Variants in CSGALNACT1 observed in about 807,000 individuals in gnomAD.
The protein encoded by CSGALNACT1 is beta4GalNAcT-1.
In CSGALNACT1, 52 loss-of-function variants were observed where a neutral mutation model predicts 51.0. That is an observed-to-expected ratio of 1.02 (90% CI 0.82 to 1.29). The LOEUF is 1.29. Ranked by LOEUF, CSGALNACT1 falls within the 50% of genes most tolerant of loss-of-function variation. The probability of loss-of-function intolerance (pLI) is 0.00; values close to 1 mark genes in which losing one functional copy is unlikely to be tolerated. For synonymous variants in CSGALNACT1, 341 were observed against 254.4 expected, an observed-to-expected ratio of 1.34 and a Z score of -3.24; for missense variants, 935 against 679.2, an observed-to-expected ratio of 1.38 and a Z score of -4.19.
At chr8:19,460,555 G>C (rs917188404) in intron 4 of CSGALNACT1, among the ~76,000 whole-genome samples, 2 of 152,140 alleles carry the variant, frequency 1.3e-5, no homozygotes, top group African/African-American at 2.4e-5. Flanking sequence ...AGTGAACCAA[G>C]AATGCACCTC....
intron 1 of CSGALNACT1, among the ~76,000 whole-genome samples, chr8:19,725,178 T>C (rs1437005220): frequency 1.3e-5 from 2 of 152,216 alleles, no homozygotes; most frequent in East Asian, 3.9e-4. Flanking sequence ...CTGTCCATTT[T>C]CAGGCAGGTG....
At chr8:19,419,837 C>T (rs1054475235) in intron 7 of CSGALNACT1, among the ~76,000 whole-genome samples, 3 of 152,152 alleles carry the variant, frequency 2.0e-5, no homozygotes, top group South Asian at 4.1e-4. Context: ...CAGATGGTGA[C>T]GTGGTTTGGC....
At chr8:19,568,677 G>A (rs117019991) in intron 3 of CSGALNACT1, among the ~76,000 whole-genome samples, 4,410 of 152,200 alleles carry the variant, frequency 0.029, 99 homozygotes, top group Non-Finnish European at 0.042. Flanking sequence ...CAAAAAATAT[G>A]AGATTCTATT....
intron 4 of CSGALNACT1, among the ~76,000 whole-genome samples, chr8:19,465,300 T>C: frequency 6.6e-6 from 1 of 152,112 alleles, no homozygotes; most frequent in Middle Eastern, 3.2e-3. Flanking sequence ...GTAGTCAAGT[T>C]CAGAGAGACA....
chr8:19,631,646 C>T (rs566232052), intron 1 of CSGALNACT1, among the ~76,000 whole-genome samples: 2 of 152,288 alleles, frequency 1.3e-5, no homozygotes, highest in Non-Finnish European at 2.9e-5. Context: ...AAAGCCAAGT[C>T]AAAATGTGTC....
At chr8:19,719,166 C>T (rs2062978587) in intron 1 of CSGALNACT1, among the ~76,000 whole-genome samples, 1 of 152,336 alleles carries the variant, frequency 6.6e-6, no homozygotes, top group African/African-American at 2.4e-5. Flanking sequence ...TATACTTCAA[C>T]CCTGGCTCAA....
rs149022993 is a variant in CSGALNACT1 at position 19,723,034 on chromosome 8, C to A, written c.-297+34816G>T. Among the ~76,000 whole-genome samples, 1,015 of 152,286 alleles carry A rather than the reference C, an allele frequency of 6.7e-3. 9 individuals carry two copies. Among genetic ancestry groups the A allele is most frequent in the African/African-American group, 0.023 (970 of 41,570 alleles). On this transcript the variant is annotated intron_variant, in intron 1 of 1. Coordinates refer to the CSGALNACT1 transcript ENST00000517494. ...TAAGTGATTCCAAAGTCTCAAGATT[C>A]TCCCTTTTCAATCATCTCCACTTTT...
At chr8:19,502,210 A>G (rs1248654780) in intron 4 of CSGALNACT1, among the ~76,000 whole-genome samples, 1 of 152,208 alleles carries the variant, frequency 6.6e-6, no homozygotes, top group African/African-American at 2.4e-5. Context: ...GGCAGGCTGG[A>G]TGGCAGAGCA....
chr8:19,425,443 T>C (rs1228373104), intron 6 of CSGALNACT1, among the ~76,000 whole-genome samples: 1 of 152,176 alleles, frequency 6.6e-6, no homozygotes, highest in Non-Finnish European at 1.5e-5. Flanking sequence ...CTCCCTCCTT[T>C]TATGTGTGTT....
At chr8:19,441,441 C>A (rs2061320178) in intron 5 of CSGALNACT1, among the ~76,000 whole-genome samples, 2 of 152,172 alleles carry the variant, frequency 1.3e-5, no homozygotes, top group African/African-American at 4.8e-5. Context: ...TGATCTTTGA[C>A]AAACCTGACA....
At chr8:19,672,958 C>G (rs550314828) in intron 1 of CSGALNACT1, among the ~76,000 whole-genome samples, 26 of 152,326 alleles carry the variant, frequency 1.7e-4, no homozygotes, top group African/African-American at 6.3e-4. Context: ...GAGTTTTAAC[C>G]ACTGTATCTC....
intron 1 of CSGALNACT1, among the ~76,000 whole-genome samples, chr8:19,724,501 G>T (rs2063289484): frequency 6.6e-6 from 1 of 152,126 alleles, no homozygotes; most frequent in Non-Finnish European, 1.5e-5. Flanking sequence ...CTTTCAAGAA[G>T]TCTGTGATAC....
At chr8:19,700,469 T>C (rs1177005996) in intron 1 of CSGALNACT1, among the ~76,000 whole-genome samples, 5 of 152,180 alleles carry the variant, frequency 3.3e-5, no homozygotes, top group African/African-American at 1.2e-4. Context: ...TTTTATATTA[T>C]TGACAAAGTA....
intron 2 of CSGALNACT1, among the ~76,000 whole-genome samples, chr8:19,595,453 A>AT (rs2154137646): frequency 6.6e-6 from 1 of 152,340 alleles, no homozygotes; most frequent in Non-Finnish European, 1.5e-5. Context: ...TTATTAAAAC[A>AT]TTTAAGGGTA....
chr8:19,519,525 C>T (rs866602058), intron 3 of CSGALNACT1, among the ~76,000 whole-genome samples: 4 of 152,154 alleles, frequency 2.6e-5, no homozygotes, highest in African/African-American at 9.7e-5. Context: ...TAAGAAAACA[C>T]GCAGCAGAGA....
intron 1 of CSGALNACT1, among the ~76,000 whole-genome samples, chr8:19,749,158 G>C (rs1441291147): frequency 6.6e-6 from 1 of 150,848 alleles, no homozygotes; most frequent in Non-Finnish European, 1.5e-5. Flanking sequence ...AGAACCATTT[G>C]AACTAACTTG....
intron 3 of CSGALNACT1, among the ~76,000 whole-genome samples, chr8:19,535,715 T>C (rs548289945): frequency 1.3e-5 from 2 of 151,996 alleles, no homozygotes; most frequent in East Asian, 1.9e-4. Flanking sequence ...TAGCAAGCCA[T>C]AGAAGGAAAA....
chr8:19,592,526 T>C (rs930006377), intron 2 of CSGALNACT1, among the ~76,000 whole-genome samples: 3 of 152,172 alleles, frequency 2.0e-5, no homozygotes, highest in African/African-American at 7.2e-5. Flanking sequence ...TCAAGGCAGG[T>C]GGATCACTTG....
chr8:19,585,564 G>T (rs984372123), intron 3 of CSGALNACT1, among the ~76,000 whole-genome samples: 1 of 152,192 alleles, frequency 6.6e-6, no homozygotes, highest in Non-Finnish European at 1.5e-5. Flanking sequence ...CATCAGAGAA[G>T]CCTGTGGCTG....
Sources: gnomAD v4.1 joint callset for allele counts (sites outside exome capture counted in the v4.1 genomes callset) on GRCh38, gnomAD v4.1.1 for gene constraint, MANE v1.5 for transcripts, NCBI Gene and HGNC (gene_info 2026-07-23, HGNC 2026-07-21) for gene names.